SLIT2: variants seen among roughly 807,000 people sequenced by gnomAD.
The protein encoded by SLIT2 is slit guidance ligand 2, also known as slit homolog 2 protein.
A neutral mutation model predicts 185.7 loss-of-function variants in SLIT2; 41 were observed. That is an observed-to-expected ratio of 0.22 (90% CI 0.17 to 0.29). SLIT2 has a LOEUF of 0.29. Ranked by LOEUF, SLIT2 falls within the 10% of genes least tolerant of loss-of-function variation. The pLI is 1.00. For synonymous variants in SLIT2, 693 were observed against 680.2 expected (o/e 1.02, Z -0.29); for missense variants, 1,571 against 1,909.0 (o/e 0.82, Z 3.30).
chr4:20,451,428 A>G (rs943917554), intron 4 of SLIT2, among the ~76,000 whole-genome samples: 9 of 152,326 alleles, frequency 5.9e-5, no homozygotes, highest in Non-Finnish European at 1.0e-4. Flanking sequence ...AAGGAATGCT[A>G]TAAGTCAGAA....
intron 4 of SLIT2, among the ~76,000 whole-genome samples, chr4:20,461,423 T>G (rs1478035304): frequency 6.6e-6 from 1 of 152,076 alleles, no homozygotes; most frequent in Non-Finnish European, 1.5e-5. Context: ...AAAAAGGGTG[T>G]GCTGATCAGA....
At chr4:20,543,873 G>A (rs1723027162) in intron 21 of SLIT2, among the ~76,000 whole-genome samples, 1 of 152,108 alleles carries the variant, frequency 6.6e-6, no homozygotes, top group Admixed American at 6.6e-5. Context: ...ATGTATATGT[G>A]TGTAATTAAA....
At chr4:20,457,617 C>A (rs1336459655) in intron 4 of SLIT2, among the ~76,000 whole-genome samples, 2 of 152,220 alleles carry the variant, frequency 1.3e-5, no homozygotes, top group Non-Finnish European at 1.5e-5. Flanking sequence ...TCAAAACTTT[C>A]TATATTTTCT....
At chr4:20,380,710 A>G (rs1318019258) in intron 4 of SLIT2, among the ~76,000 whole-genome samples, 1 of 152,136 alleles carries the variant, frequency 6.6e-6, no homozygotes. Flanking sequence ...TACACTAGAA[A>G]ATAAAAAAAT....
chr4:20,485,103 G>A (rs773473729), intron 6 of SLIT2, among the ~76,000 whole-genome samples: 3 of 152,052 alleles, frequency 2.0e-5, no homozygotes, highest in African/African-American at 4.8e-5. Context: ...ACACCTCAAT[G>A]TGTACCTTTA....
At chr4:20,279,388 G>A (rs1184033937) in intron 4 of SLIT2, among the ~76,000 whole-genome samples, 2 of 152,144 alleles carry the variant, frequency 1.3e-5, no homozygotes, top group Non-Finnish European at 2.9e-5. Flanking sequence ...GAAATTCCCA[G>A]CATTATTTCT....
intron 9 of SLIT2, among the ~76,000 whole-genome samples, chr4:20,505,617 T>C (rs1178640255): frequency 6.6e-6 from 1 of 152,038 alleles, no homozygotes; most frequent in Admixed American, 6.6e-5. Context: ...AGTCTACTTA[T>C]GTAAGATCTG....
At chr4:20,595,656 G>C (rs1263498868) in intron 30 of SLIT2, 41 bp from the exon 31 acceptor site, 1 of 1,606,406 alleles carries the variant, frequency 6.2e-7, no homozygotes. Context: ...ACTTATTTTG[G>C]CTCAGTTGGG....
chr4:20,452,269 C>T (rs1010692958), intron 4 of SLIT2, among the ~76,000 whole-genome samples: 2 of 152,124 alleles, frequency 1.3e-5, no homozygotes, highest in African/African-American at 2.4e-5. Flanking sequence ...CTGGCATCTC[C>T]CTATACTTGT....
At chr4:20,615,216 T>C (rs949306389) in intron 34 of SLIT2, 2 of 152,220 alleles carry the variant, frequency 1.3e-5, no homozygotes, top group African/African-American at 4.8e-5. Flanking sequence ...AGGAATTTTC[T>C]GTCACCAGTC....
intron 29 of SLIT2, among the ~76,000 whole-genome samples, chr4:20,577,286 A>G (rs1189117094): frequency 6.6e-6 from 1 of 152,232 alleles, no homozygotes; most frequent in African/African-American, 2.4e-5. Flanking sequence ...GACAGAGTCA[A>G]GCAACTCATT....
intron 4 of SLIT2, among the ~76,000 whole-genome samples, chr4:20,313,861 C>T (rs1420621208): frequency 6.6e-6 from 1 of 152,182 alleles, no homozygotes; most frequent in Non-Finnish European, 1.5e-5. Context: ...CTGCTGCTCA[C>T]CTCCTCCTGG....
At chr4:20,587,297 C>A (rs1357962252) in intron 29 of SLIT2, among the ~76,000 whole-genome samples, 1 of 152,114 alleles carries the variant, frequency 6.6e-6, no homozygotes, top group Admixed American at 6.5e-5. Flanking sequence ...GGATTACAGG[C>A]ATGAGCCACC....
At chr4:20,442,687 T>C (rs1236729517) in intron 4 of SLIT2, among the ~76,000 whole-genome samples, 2 of 151,736 alleles carry the variant, frequency 1.3e-5, no homozygotes, top group African/African-American at 4.8e-5. Context: ...GGAGGATGAG[T>C]TGGAGAGGGT....
At chr4:20,394,098 T>G (rs1190617330) in intron 4 of SLIT2, among the ~76,000 whole-genome samples, 3 of 151,998 alleles carry the variant, frequency 2.0e-5, no homozygotes, top group Non-Finnish European at 4.4e-5. Flanking sequence ...ATTTGGTGGC[T>G]GAACTAGGAA....
chr4:20,444,038 G>A (rs1478628637), intron 4 of SLIT2, among the ~76,000 whole-genome samples: 2 of 152,108 alleles, frequency 1.3e-5, no homozygotes, highest in Non-Finnish European at 1.5e-5. Flanking sequence ...TGCACTCAAA[G>A]GATGTTATCC....
At chr4:20,295,584 C>A (rs553909519) in intron 4 of SLIT2, among the ~76,000 whole-genome samples, 86 of 152,210 alleles carry the variant, frequency 5.7e-4, no homozygotes, top group African/African-American at 2.0e-3. Flanking sequence ...TCCTTCATTG[C>A]CAATTAATCC....
At chr4:20,412,083 A>T (rs937961563) in intron 4 of SLIT2, among the ~76,000 whole-genome samples, 1 of 152,106 alleles carries the variant, frequency 6.6e-6, no homozygotes, top group Non-Finnish European at 1.5e-5. Context: ...CAGGGTTATT[A>T]TGACTCAGAC....
intron 11 of SLIT2, among the ~76,000 whole-genome samples, chr4:20,516,746 C>T (rs1355977147): frequency 6.6e-6 from 1 of 152,148 alleles, no homozygotes; most frequent in Non-Finnish European, 1.5e-5. Flanking sequence ...GTACCCAGCC[C>T]TAGTCCTGCT....
Sources: allele counts gnomAD v4.1 joint callset (sites outside exome capture counted in the v4.1 genomes callset), GRCh38; gene constraint gnomAD v4.1.1; transcripts MANE v1.5; gene names NCBI Gene and HGNC (gene_info 2026-07-23, HGNC 2026-07-21).